The following CCDC148 variants were observed in gnomAD, a reference collection of about 807,000 sequenced individuals.
CCDC148 encodes the protein coiled-coil domain containing 148.
A neutral mutation model predicts 85.7 loss-of-function variants in CCDC148; 89 were observed. The observed-to-expected ratio is 1.04, with a 90% CI of 0.87 to 1.24. The LOEUF is 1.24. CCDC148 is among the 50% of genes most tolerant of loss of function. The pLI is 0.00. For missense variants in CCDC148, 692 were observed against 671.7 expected (o/e 1.03, Z -0.33); for synonymous variants, 230 against 213.9 (o/e 1.08, Z -0.66).
At chr2:158,320,800 G>T (rs1692487366) in intron 7 of CCDC148, among the ~76,000 whole-genome samples, 1 of 152,054 alleles carries the variant, frequency 6.6e-6, no homozygotes, top group African/African-American at 2.4e-5. Context: ...ATAAAACCCA[G>T]ATTTTTCAGT....
chr2:158,330,365 A>C (rs544279010), intron 7 of CCDC148, among the ~76,000 whole-genome samples: 41 of 152,146 alleles, frequency 2.7e-4, no homozygotes, highest in Non-Finnish European at 4.9e-4. Flanking sequence ...AGCCCACTTG[A>C]TTATGGTGGA....
chr2:158,190,562 T>C (rs1685375128), intron 11 of CCDC148, among the ~76,000 whole-genome samples: 2 of 152,042 alleles, frequency 1.3e-5, no homozygotes, highest in Middle Eastern at 3.2e-3. Flanking sequence ...ATCTGCCATT[T>C]GATACTAATT....
At chr2:158,433,776 A>C (rs1195791177) in intron 1 of CCDC148, among the ~76,000 whole-genome samples, 2 of 152,178 alleles carry the variant, frequency 1.3e-5, no homozygotes, top group African/African-American at 2.4e-5. Flanking sequence ...TCACATCCTA[A>C]TACTGCGCTT....
At chr2:158,202,332 A>G (rs114249659) in intron 11 of CCDC148, among the ~76,000 whole-genome samples, 2,276 of 152,314 alleles carry the variant, frequency 0.015, 48 homozygotes, top group African/African-American at 0.049. Context: ...TGAGTGTTAT[A>G]CTGTGGAAGT....
intron 8 of CCDC148, among the ~76,000 whole-genome samples, chr2:158,311,704 A>T (rs146695856): frequency 1.3e-5 from 2 of 152,242 alleles, no homozygotes; most frequent in African/African-American, 4.8e-5. Flanking sequence ...GCTAATAAAC[A>T]TAAAAATTGC....
At chr2:158,377,083 C>T (rs1373928290) in intron 1 of CCDC148, among the ~76,000 whole-genome samples, 3 of 152,002 alleles carry the variant, frequency 2.0e-5, no homozygotes, top group Non-Finnish European at 4.4e-5. Flanking sequence ...GACGATTCTC[C>T]ACTATCCTTT....
At chr2:158,188,134 G>A (rs571138890) in intron 11 of CCDC148, among the ~76,000 whole-genome samples, 7 of 151,862 alleles carry the variant, frequency 4.6e-5, no homozygotes, top group Admixed American at 1.3e-4. Flanking sequence ...CAATTATTTG[G>A]GGTCCACTCC....
At chr2:158,249,413 A>G (rs1246128010) in intron 10 of CCDC148, among the ~76,000 whole-genome samples, 2 of 152,172 alleles carry the variant, frequency 1.3e-5, no homozygotes, top group African/African-American at 2.4e-5. Context: ...AACGTGATCA[A>G]TATTTATGAG....
chr2:158,203,983 C>A (rs1172019920), intron 11 of CCDC148, among the ~76,000 whole-genome samples: 1 of 152,126 alleles, frequency 6.6e-6, no homozygotes, highest in African/African-American at 2.4e-5. Flanking sequence ...TTCCTTATTC[C>A]TGTAGTTTAA....
chr2:158,193,962 C>T (rs1041024830), intron 11 of CCDC148, among the ~76,000 whole-genome samples: 4 of 145,808 alleles, frequency 2.7e-5, no homozygotes, highest in Non-Finnish European at 6.0e-5. Context: ...CAGATGTATA[C>T]ATATGTAACA....
chr2:158,377,508 T>G (rs1308877693), intron 1 of CCDC148, among the ~76,000 whole-genome samples: 1 of 151,946 alleles, frequency 6.6e-6, no homozygotes. Context: ...AAAAATAAAA[T>G]GTATGTATGT....
At chr2:158,283,572 T>C (rs1385139115) in intron 9 of CCDC148, among the ~76,000 whole-genome samples, 2 of 152,164 alleles carry the variant, frequency 1.3e-5, no homozygotes, top group East Asian at 1.9e-4. Context: ...AAAACTACAA[T>C]GAGATACTAT....
rs560055901 is a variant in CCDC148, at chr2:158,444,778, C to T, written c.25+11637G>A. ...CCAGCCTGGGTGACAGAGCGAGACC[C>T]TGTCTTGAAAAAAAAAAAAAAAAAA... On this transcript the variant is annotated intron_variant, in intron 1 of 13. Coordinates refer to ENST00000283233, the MANE Select transcript of CCDC148 (RefSeq NM_138803.4). Among the ~76,000 whole-genome samples, 20 of 104,082 alleles carry T rather than the reference C, an allele frequency of 1.9e-4. No individual in the cohort carries two copies. In the South Asian group the frequency reaches 6.4e-3, roughly 33 times the overall value. The allele number at this position is 104,082 out of a possible 152,430, so 68.3% of individuals were successfully genotyped here.
rs144763772 is a variant in CCDC148, at chr2:158,417,900, T to C, written c.25+38515A>G. Among the ~76,000 whole-genome samples, 742 of 152,326 alleles carry C rather than the reference T, an allele frequency of 4.9e-3. 3 individuals are homozygous for C. The highest frequency in any genetic ancestry group is 0.017 in the African/African-American group (705 of 41,582). On this transcript the variant is annotated intron_variant, in intron 1 of 13. Coordinates refer to ENST00000283233, the MANE Select transcript of CCDC148 (RefSeq NM_138803.4). ...GGTACAATTAAAGGTAATTAAAAGA[T>C]GGATACTAAGCCAATTTTTGCATCA...
At chr2:158,278,842 C>T (rs914787329) in intron 9 of CCDC148, among the ~76,000 whole-genome samples, 2 of 152,230 alleles carry the variant, frequency 1.3e-5, no homozygotes, top group Admixed American at 6.5e-5. Flanking sequence ...GGTCTCCGAC[C>T]CCTGACCCCT....
chr2:158,270,939 A>G (rs186415181), intron 9 of CCDC148, among the ~76,000 whole-genome samples: 34 of 152,330 alleles, frequency 2.2e-4, no homozygotes, highest in Non-Finnish European at 3.5e-4. Context: ...TCACAACATC[A>G]TAGATAAATG....
rs573811061 is a variant in CCDC148 at position 158,413,699 on chromosome 2, G to A, written c.25+42716C>T. 4.2e-4 allele frequency among the ~76,000 whole-genome samples: 63 copies of A among 151,356 alleles called. 1 individual carries two copies. Among genetic ancestry groups the A allele is most frequent in the South Asian group, 2.7e-3 (13 of 4,810 alleles). On this transcript the variant is annotated intron_variant, in intron 1 of 13. Transcript: ENST00000283233. ...TATTTTCTACTTTGCTTGTCATTCC[G>A]TCTCTGTTGTAATTATTCAACTCAG... is the stretch of plus-strand genomic sequence containing the variant.
chr2:158,337,513 C>G (rs1682450617), intron 7 of CCDC148, among the ~76,000 whole-genome samples: 2 of 152,094 alleles, frequency 1.3e-5, no homozygotes, highest in Admixed American at 6.6e-5. Context: ...TTCACTACGA[C>G]TGAGTTCCAG....
At chr2:158,368,400 T>G (rs1297465802) in intron 1 of CCDC148, among the ~76,000 whole-genome samples, 2 of 152,120 alleles carry the variant, frequency 1.3e-5, no homozygotes, top group Non-Finnish European at 2.9e-5. Context: ...CTATTTCAAT[T>G]TTATGTTTAC....
Sources: allele counts gnomAD v4.1 joint callset (sites outside exome capture counted in the v4.1 genomes callset), GRCh38; gene constraint gnomAD v4.1.1; transcripts MANE v1.5; gene names NCBI Gene and HGNC (gene_info 2026-07-23, HGNC 2026-07-21).